DNAH5: variants seen among roughly 807,000 people sequenced by gnomAD.
The protein encoded by DNAH5 is dynein axonemal heavy chain 5.
DNAH5 carries 372 observed loss-of-function variants against 518.2 expected under a neutral mutation model. The observed-to-expected ratio is 0.72, with a 90% CI of 0.66 to 0.78. The LOEUF is 0.78. Ranked by LOEUF, DNAH5 falls within the 30% of genes least tolerant of loss-of-function variation. The pLI is 0.00. For synonymous variants in DNAH5, 2,039 were observed against 2,025.9 expected (o/e 1.01, Z -0.17); for missense variants, 5,523 against 5,687.0 (o/e 0.97, Z 0.93).
At chr5:13,963,512 G>C (rs1386059418) in intron 1 of DNAH5, among the ~76,000 whole-genome samples, 1 of 152,010 alleles carries the variant, frequency 6.6e-6, no homozygotes, top group Non-Finnish European at 1.5e-5. Flanking sequence ...CCGGGAGGCA[G>C]AGGTTGCAGT....
rs374801824 is a variant in DNAH5, at chr5:13,976,451, C to A, written c.12+35197G>T. ...CAGAGTACCCATGCTGTATACACTA[C>A]CTGCCCATCTATCACTCAGTAGCTT... On this transcript the variant is annotated intron_variant, in intron 1 of 78. Transcript: ENST00000681290. 2.6e-5 allele frequency among the ~76,000 whole-genome samples: 4 copies of A among 152,116 alleles called. No homozygotes were observed. In the East Asian group the frequency reaches 5.8e-4, roughly 22 times the overall value.
chr5:13,916,200 A>T, intron 9 of DNAH5, 148 bp downstream of exon 9: 1 of 317,108 alleles, frequency 3.2e-6, no homozygotes, highest in Non-Finnish European at 5.9e-6. Context: ...CATCAATTTA[A>T]TTCTATCTCT....
intron 78 of DNAH5, among the ~76,000 whole-genome samples, chr5:13,697,445 T>C (rs1411796209): frequency 6.6e-6 from 1 of 152,224 alleles, no homozygotes; most frequent in East Asian, 1.9e-4. Context: ...TCTTCCTTCA[T>C]GTTTTAAACA....
In DNAH5 at chr5:13,923,323, C is replaced by T; in HGVS notation, c.395G>A (p.Arg132Lys). 1.2e-6 allele frequency: 2 copies of T among 1,614,106 alleles called. No homozygotes were observed. The highest frequency in any genetic ancestry group is 1.7e-6 in the Non-Finnish European group (2 of 1,180,006). ...GGTGATGGCTTTGGAAGGGTCAGTC[C>T]TGATGAAGAACACACATACCCCAGT... ...ALTGVCVFFI[R>K]TDPSKAITPD... is the part of the protein sequence containing the mutation. Residue 132 changes from arginine (R) to lysine (K), a missense_variant, in exon 4 of 79, where the codon AGG becomes AAG. By Grantham distance (26) the Arg-to-Lys change is conservative. Transcript: ENST00000265104.
At position 13,811,780 on chromosome 5, in the gene DNAH5, C is replaced by G; in HGVS notation, c.7274G>C (p.Arg2425Pro). ...KRSPQEAEIL[R>P]QLYTESFPDL... ...TGGGAAAGACTCGGTGTACAGCTGA[C>G]GAAGAATTTCTGCTTCTTGAGGTGA... The change falls in exon 44 of 79, where the codon CGT (arginine) becomes CCT (proline). Residue 2425 changes from arginine to proline, a missense_variant. This residue lies in a region of DNAH5 where 5,121 missense variants were observed against 5,223.3 expected (regional missense o/e 0.98). Coordinates refer to ENST00000265104, the MANE Select transcript of DNAH5 (RefSeq NM_001369.3). 6.2e-7 allele frequency: 1 copy of G among 1,614,066 alleles called. No homozygotes were observed. The highest frequency in any genetic ancestry group is 8.5e-7 in the Non-Finnish European group (1 of 1,180,028).
At chr5:13,721,282 C>G (rs1745027032) in intron 70 of DNAH5, 37 bp from the exon 71 acceptor site, 1 of 1,613,566 alleles carries the variant, frequency 6.2e-7, no homozygotes, top group Non-Finnish European at 8.5e-7. Flanking sequence ...AAAAGTCATT[C>G]CAACTCTTTC....
intron 48 of DNAH5, 39 bp downstream of exon 48, chr5:13,793,897 C>G: frequency 6.2e-7 from 1 of 1,610,072 alleles, no homozygotes; most frequent in South Asian, 1.1e-5. Flanking sequence ...AAATCAATAC[C>G]AAATTAAAGA....
intron 35 of DNAH5, among the ~76,000 whole-genome samples, chr5:13,835,248 C>T (rs1204262813): frequency 3.3e-5 from 5 of 150,898 alleles, no homozygotes; most frequent in Non-Finnish European, 7.4e-5. Flanking sequence ...CACTGTGATC[C>T]AGCCTGGGCG....
chr5:14,011,016 G>C (rs917371649), intron 1 of DNAH5, among the ~76,000 whole-genome samples: 1 of 151,230 alleles, frequency 6.6e-6, no homozygotes, highest in Non-Finnish European at 1.5e-5. Context: ...AAAAAAAAGA[G>C]CCAGACTAAT....
intron 11 of DNAH5, 147 bp downstream of exon 11, chr5:13,913,596 A>G: frequency 1.0e-6 from 1 of 971,636 alleles, no homozygotes; most frequent in Non-Finnish European, 1.5e-6. Context: ...AACAAATCTA[A>G]TTTCTTTATT....
chr5:13,778,596 A>AAAAGAAAGAAAG (rs1554044720), intron 53 of DNAH5, among the ~76,000 whole-genome samples: 3 of 102,152 alleles, frequency 2.9e-5, no homozygotes, highest in African/African-American at 1.1e-4. Flanking sequence ...GAAAGAAAGA[A>AAAAGAAAGAAAG]AGAGAGAGAG....
At chr5:13,959,529 C>T (rs187837833) in intron 1 of DNAH5, among the ~76,000 whole-genome samples, 66 of 152,308 alleles carry the variant, frequency 4.3e-4, no homozygotes, top group Admixed American at 2.3e-3. Flanking sequence ...ACCAGCCCAG[C>T]GCCCAGGACA....
At chr5:13,936,545 A>G (rs1778937293) in intron 1 of DNAH5, among the ~76,000 whole-genome samples, 1 of 152,154 alleles carries the variant, frequency 6.6e-6, no homozygotes, top group African/African-American at 2.4e-5. Flanking sequence ...ATCCTCAACT[A>G]TATGGGAGAC....
chr5:13,795,744 CA>C (rs148725650), intron 47 of DNAH5, among the ~76,000 whole-genome samples: 116,560 of 152,018 alleles, frequency 0.77, 44,855 homozygotes, highest in East Asian at 0.88. Flanking sequence ...AGAGTCACAA[CA>C]AAAAAAGAGA....
chr5:13,754,456 C>T, intron 61 of DNAH5, 118 bp from the exon 62 acceptor site: 1 of 1,137,650 alleles, frequency 8.8e-7, no homozygotes, highest in Non-Finnish European at 1.3e-6. Context: ...TGAGCCATTA[C>T]TTCACAAGAA....
chr5:13,732,757 T>G (rs1441402317), intron 68 of DNAH5, among the ~76,000 whole-genome samples: 2 of 152,132 alleles, frequency 1.3e-5, no homozygotes, highest in African/African-American at 4.8e-5. Context: ...TCTCATGCCA[T>G]AACCTTGGGG....
At chr5:13,835,220 G>A (rs1407577907) in intron 35 of DNAH5, among the ~76,000 whole-genome samples, 5 of 151,852 alleles carry the variant, frequency 3.3e-5, no homozygotes, top group African/African-American at 7.3e-5. Flanking sequence ...GGGAGGTTGC[G>A]GTGAGCGGAG....
At chr5:14,000,427 C>A (rs1196180649) in intron 1 of DNAH5, among the ~76,000 whole-genome samples, 1 of 152,180 alleles carries the variant, frequency 6.6e-6, no homozygotes, top group African/African-American at 2.4e-5. Context: ...CTCTATGCCA[C>A]CCAGTTTGTG....
In DNAH5 at chr5:13,721,089, T is replaced by C. The variant is rs1292263200; in HGVS notation, c.12190A>G (p.Lys4064Glu). 1 of 1,614,060 alleles carries C rather than the reference T, an allele frequency of 6.2e-7. No individual in the cohort carries two copies. The highest frequency in any genetic ancestry group is 8.5e-7 in the Non-Finnish European group (1 of 1,179,974). The change falls in exon 71 of 79, where the codon AAG becomes GAG. Residue 4064 changes from lysine to glutamate, a missense_variant. Lys to Glu is a moderately conservative substitution (Grantham distance 56). Coordinates refer to ENST00000265104, the MANE Select transcript of DNAH5 (RefSeq NM_001369.3). ...TAACGGGTTTCTATTTTTAATCTCT[T>C]CCCCAAGGCAATGATGGAATCTGTG... ...DPTDSIIALGKRLKIETRYVS... is the reference protein window; with the variant it reads ...DPTDSIIALGERLKIETRYVS...
Sources: allele counts gnomAD v4.1 joint callset (sites outside exome capture counted in the v4.1 genomes callset), GRCh38; gene constraint gnomAD v4.1.1; regional missense constraint gnomAD v4.1.1; transcripts MANE v1.5; gene names NCBI Gene and HGNC (gene_info 2026-07-23, HGNC 2026-07-21).